Variants in ENTREP2 observed in about 807,000 individuals in gnomAD.
The protein encoded by ENTREP2 is protein ENTREP2.
the ENTREP2 span, chr15:29,195,278 G>A: frequency 1.0e-6 from 1 of 985,288 alleles, no homozygotes; most frequent in Non-Finnish European, 1.2e-6. Context: ...ATGGAGATGA[G>A]CCGCATCCTC....
At chr15:29,253,450 C>T in the ENTREP2 span, among the ~76,000 whole-genome samples, 1 of 83,624 alleles carries the variant, frequency 1.2e-5, no homozygotes. Context: ...TTGTCTCTCT[C>T]TCTTTTTTTT....
At chr15:29,498,135 T>G in the ENTREP2 span, among the ~76,000 whole-genome samples, 1 of 152,182 alleles carries the variant, frequency 6.6e-6, no homozygotes, top group Admixed American at 6.6e-5. Flanking sequence ...ACTTCCTCAC[T>G]CTCTCCTGCT....
At chr15:29,464,627 A>G in the ENTREP2 span, among the ~76,000 whole-genome samples, 1 of 152,200 alleles carries the variant, frequency 6.6e-6, no homozygotes, top group Non-Finnish European at 1.5e-5. Flanking sequence ...AGATTGGCAT[A>G]TTAGAGAAAT....
chr15:29,206,403 A>T, the ENTREP2 span, among the ~76,000 whole-genome samples: 2 of 152,250 alleles, frequency 1.3e-5, no homozygotes, highest in East Asian at 3.9e-4. Context: ...GGACACAAAC[A>T]TTCAGACCAC....
At chr15:29,625,875 T>G in the ENTREP2 span, among the ~76,000 whole-genome samples, 1 of 151,110 alleles carries the variant, frequency 6.6e-6, no homozygotes, top group Non-Finnish European at 1.5e-5. Flanking sequence ...TTATTTTATT[T>G]TTTGCTCTGT....
chr15:29,179,628 T>C, the ENTREP2 span, among the ~76,000 whole-genome samples: 1 of 149,810 alleles, frequency 6.7e-6, no homozygotes, highest in Non-Finnish European at 1.5e-5. Flanking sequence ...TTGCCCAGGC[T>C]GGAGTGCAGT....
the ENTREP2 span, among the ~76,000 whole-genome samples, chr15:29,402,292 T>TGTGTG: frequency 7.6e-6 from 1 of 131,700 alleles, no homozygotes; most frequent in Non-Finnish European, 1.6e-5. Flanking sequence ...GTATATTGTA[T>TGTGTG]TGTGTGTGTG....
the ENTREP2 span, among the ~76,000 whole-genome samples, chr15:29,209,494 T>TC: frequency 6.6e-6 from 1 of 152,072 alleles, no homozygotes; most frequent in African/African-American, 2.4e-5. Context: ...AGGGAGAGAC[T>TC]CCGTCTCAAA....
At chr15:29,657,935 G>A in the ENTREP2 span, among the ~76,000 whole-genome samples, 68 of 152,212 alleles carry the variant, frequency 4.5e-4, 1 homozygote, top group African/African-American at 1.6e-3. Context: ...ACACATAACA[G>A]CATCAATGAA....
the ENTREP2 span, among the ~76,000 whole-genome samples, chr15:29,409,756 C>G: frequency 6.6e-6 from 1 of 152,170 alleles, no homozygotes; most frequent in Non-Finnish European, 1.5e-5. Flanking sequence ...GCCACCTCGC[C>G]TGGCTATATT....
the ENTREP2 span, among the ~76,000 whole-genome samples, chr15:29,423,837 T>A: frequency 6.6e-6 from 1 of 152,058 alleles, no homozygotes; most frequent in African/African-American, 2.4e-5. Context: ...CCGTTCACAG[T>A]ACACAGTTTT....
At chr15:29,379,802 T>G in the ENTREP2 span, among the ~76,000 whole-genome samples, 1 of 151,896 alleles carries the variant, frequency 6.6e-6, no homozygotes, top group African/African-American at 2.4e-5. Context: ...CGGGGGTGAT[T>G]GGGTGATGGA....
At chr15:29,410,522 G>A in the ENTREP2 span, among the ~76,000 whole-genome samples, 8 of 151,818 alleles carry the variant, frequency 5.3e-5, no homozygotes, top group African/African-American at 1.9e-4. Context: ...GTCCCCTCAG[G>A]AGCCAGCACG....
At chr15:29,156,604 C>T in the ENTREP2 span, among the ~76,000 whole-genome samples, 1,316 of 152,168 alleles carry the variant, frequency 8.6e-3, 11 homozygotes, top group African/African-American at 0.024. Context: ...GGCAGTGACC[C>T]GTGAGGCGGT....
chr15:29,661,631 G>A, the ENTREP2 span, among the ~76,000 whole-genome samples: 6 of 152,164 alleles, frequency 3.9e-5, no homozygotes, highest in South Asian at 1.2e-3. Flanking sequence ...TAGGTTGACT[G>A]TTACAATTCA....
chr15:29,197,167 A>C, the ENTREP2 span, among the ~76,000 whole-genome samples: 1 of 152,276 alleles, frequency 6.6e-6, no homozygotes. Context: ...ATGGAAAACC[A>C]TGGAAGAAAA....
At chr15:29,235,183 TTCA>T in the ENTREP2 span, 1 of 680,128 alleles carries the variant, frequency 1.5e-6, no homozygotes, top group Non-Finnish European at 2.7e-6. Context: ...CCTGAATCTT[TTCA>T]AAGTGTCATA....
the ENTREP2 span, among the ~76,000 whole-genome samples, chr15:29,394,090 G>T: frequency 6.6e-6 from 1 of 152,074 alleles, no homozygotes; most frequent in Non-Finnish European, 1.5e-5. Flanking sequence ...GAATGTATAA[G>T]GTTTTTTAAA....
chr15:29,617,355 T>G, the ENTREP2 span, among the ~76,000 whole-genome samples: 2 of 152,296 alleles, frequency 1.3e-5, no homozygotes, highest in Middle Eastern at 6.8e-3. Flanking sequence ...CCTCCTTTTT[T>G]GTTTTGTCTG....
Sources: gnomAD v4.1 joint callset for allele counts (sites outside exome capture counted in the v4.1 genomes callset) on GRCh38, gnomAD v4.1.1 for gene constraint, MANE v1.5 for transcripts, NCBI Gene and HGNC (gene_info 2026-07-23, HGNC 2026-07-21) for gene names.